Variants in ALDH1L2 observed in about 807,000 individuals in gnomAD.
ALDH1L2 encodes the protein mitochondrial 10-formyltetrahydrofolate dehydrogenase.
In ALDH1L2, 91 loss-of-function variants were observed where a neutral mutation model predicts 111.0. That is an observed-to-expected ratio of 0.82 (90% confidence interval 0.69 to 0.98). ALDH1L2 has a LOEUF of 0.98. Among genes scored for constraint, ALDH1L2 ranks in the 50% least tolerant of loss-of-function variants. The pLI, the probability that ALDH1L2 is intolerant of heterozygous loss-of-function variation, is 0.00. For synonymous variants in ALDH1L2, 374 were observed against 392.6 expected (o/e 0.95, Z 0.56); for missense variants, 995 against 1,126.8 (o/e 0.88, Z 1.67).
intron 6 of ALDH1L2, among the ~76,000 whole-genome samples, chr12:105,064,044 G>A (rs1477136649): frequency 4.4e-5 from 6 of 135,628 alleles, no homozygotes; most frequent in African/African-American, 1.1e-4. Context: ...TCTGCCTCCC[G>A]GGTTCAAATG....
Position 105,060,988 on chromosome 12 carries a change from C to T in ALDH1L2, c.1132G>A (p.Val378Ile). The change falls in exon 9 of 23, where the codon GTT (valine) becomes ATT (isoleucine). Residue 378 changes from valine (V) to isoleucine (I), a missense_variant. Transcript: ENST00000258494. ...ATAAGGGCGTGGTTTTACCTGGCAA[C>T]ATCCATTGAGCTTGCTCCAGATTTA... Reference protein sequence around the residue: ...FFKSGASSMDVARLVEEIRQK... With the variant: ...FFKSGASSMDIARLVEEIRQK... 1 of 1,613,940 alleles carries T rather than the reference C, an allele frequency of 6.2e-7. No individual in the cohort carries two copies. Among genetic ancestry groups the T allele is most frequent in the Non-Finnish European group, 8.5e-7 (1 of 1,179,836 alleles).
rs764111072 is a variant in ALDH1L2, at chr12:105,046,968, C to G, written c.1688G>C (p.Gly563Ala). The G allele has an allele frequency of 6.2e-7, 1 of 1,613,622 alleles. No individual in the cohort carries two copies. The highest frequency in any genetic ancestry group is 1.3e-5 in the African/African-American group (1 of 74,862). ...GGCCTGGTTGATTGGAATAGTAGAA[C>G]CCTAAAGAATGAGAAAAGTTGATAC... ...YFAGWCDKIQ[G>A]STIPINQARP... is the part of the protein sequence containing the mutation. The change falls in exon 14 of 23, where the codon GGT becomes GCT. Residue 563 changes from glycine (G) to alanine (A), a missense_variant and splice_region_variant. Gly to Ala is a moderately conservative substitution (Grantham distance 60, BLOSUM62 0). Coordinates refer to ENST00000258494, the MANE Select transcript of ALDH1L2 (RefSeq NM_001034173.4).
At chr12:105,038,258 TCTCACACACACACACACACAAA>T (rs1397061492) in intron 17 of ALDH1L2, 56 bp from the exon 18 acceptor site, 3 of 707,704 alleles carry the variant, frequency 4.2e-6, no homozygotes, top group Admixed American at 2.4e-5. Flanking sequence ...TCTCTCTCTC[TCTCACACACACACACACACAAA>T]CACACACACA....
At chr12:105,076,600 C>T (rs1878063919) in intron 1 of ALDH1L2, among the ~76,000 whole-genome samples, 1 of 152,142 alleles carries the variant, frequency 6.6e-6, no homozygotes, top group South Asian at 2.1e-4. Flanking sequence ...TATTTTCCAT[C>T]ATCAATTAAA....
intron 18 of ALDH1L2, among the ~76,000 whole-genome samples, chr12:105,037,804 G>A (rs1026026143): frequency 4.1e-5 from 6 of 147,756 alleles, no homozygotes; most frequent in South Asian, 2.1e-4. Flanking sequence ...TCACTCTGTC[G>A]CCCAGGCTGG....
intron 12 of ALDH1L2, among the ~76,000 whole-genome samples, chr12:105,051,679 A>G (rs545034423): frequency 6.6e-6 from 1 of 152,358 alleles, no homozygotes; most frequent in Admixed American, 6.5e-5. Flanking sequence ...AACAGAAGAC[A>G]TATTTCATAT....
chr12:105,074,140 C>A (rs1877893823), intron 1 of ALDH1L2, 135 bp from the exon 2 acceptor site: 5 of 1,132,450 alleles, frequency 4.4e-6, no homozygotes, highest in South Asian at 1.5e-5. Flanking sequence ...CAGACTTCAC[C>A]ACTACTCAAT....
chr12:105,028,012 T>G (rs1326499783), intron 21 of ALDH1L2, among the ~76,000 whole-genome samples: 1 of 152,228 alleles, frequency 6.6e-6, no homozygotes, highest in Non-Finnish European at 1.5e-5. Context: ...AGTTCTAATG[T>G]GCCTGTCATA....
intron 16 of ALDH1L2, 99 bp downstream of exon 16, chr12:105,040,508 C>T: frequency 9.5e-7 from 1 of 1,057,152 alleles, no homozygotes. Flanking sequence ...AGTTTTAATA[C>T]AGTTATAATT....
chr12:105,040,735 A>T, intron 15 of ALDH1L2, 41 bp from the exon 16 acceptor site: 2 of 1,575,116 alleles, frequency 1.3e-6, no homozygotes, highest in Non-Finnish European at 8.7e-7. Flanking sequence ...TCAGGCCCTA[A>T]CCTGACCTTT....
At chr12:105,081,440 C>A (rs1420319538) in intron 1 of ALDH1L2, among the ~76,000 whole-genome samples, 1 of 152,148 alleles carries the variant, frequency 6.6e-6, no homozygotes, top group African/African-American at 2.4e-5. Flanking sequence ...AAGGAAGGGT[C>A]CCACCTCTTT....
chr12:105,053,077 G>T, intron 10 of ALDH1L2, 146 bp from the exon 11 acceptor site: 1 of 1,022,110 alleles, frequency 9.8e-7, no homozygotes, highest in Non-Finnish European at 1.4e-6. Context: ...GCATATGTGA[G>T]ATTTGGGCCT....
At chr12:105,068,215 C>T (rs1290139413) in intron 4 of ALDH1L2, among the ~76,000 whole-genome samples, 1 of 151,772 alleles carries the variant, frequency 6.6e-6, no homozygotes, top group East Asian at 1.9e-4. Context: ...GGAGCTTTCA[C>T]TATTTGTGTA....
At chr12:105,060,868 T>C (rs1876953401) in intron 9 of ALDH1L2, 113 bp downstream of exon 9, 2 of 726,016 alleles carry the variant, frequency 2.8e-6, no homozygotes, top group Non-Finnish European at 4.5e-6. Context: ...TAGATAGGTA[T>C]GATAAGGTAA....
intron 11 of ALDH1L2, 148 bp downstream of exon 11, chr12:105,052,664 G>T: frequency 1.0e-6 from 1 of 968,632 alleles, no homozygotes; most frequent in Non-Finnish European, 1.5e-6. Flanking sequence ...TTGAGTCATT[G>T]AAAGAAAAGC....
chr12:105,046,700 G>A lies in ALDH1L2; in HGVS notation c.1863+10C>T. 1 of 1,612,070 alleles carries A rather than the reference G, an allele frequency of 6.2e-7. No homozygotes were observed. The highest frequency in any genetic ancestry group is 8.5e-7 in the Non-Finnish European group (1 of 1,178,302). ...GAGGCAATTCTGCACCTGGCCCTTTGTGGCCTTACCTGTGCTGGCTTGAGC... is the reference window on the plus strand; with the variant it reads ...GAGGCAATTCTGCACCTGGCCCTTTATGGCCTTACCTGTGCTGGCTTGAGC... On this transcript the variant is annotated intron_variant, in intron 15 of 22. Transcript: ENST00000258494.
intron 16 of ALDH1L2, 29 bp downstream of exon 16, chr12:105,040,578 A>G: frequency 4.4e-6 from 7 of 1,607,062 alleles, no homozygotes; most frequent in Non-Finnish European, 5.1e-6. Flanking sequence ...TTCATTAGTT[A>G]TAGCACAGTC....
intron 1 of ALDH1L2, among the ~76,000 whole-genome samples, chr12:105,081,858 C>A (rs144584943): frequency 5.3e-4 from 81 of 152,282 alleles, no homozygotes; most frequent in African/African-American, 1.7e-3. Context: ...TGCTTTAATA[C>A]TAAACTTAAA....
rs771368431 is a variant in ALDH1L2, at chr12:105,024,286, C to A, written c.*138G>T. Reference sequence around the variant, plus strand: ...CACATGTGTAAATGCTTTAACATGGCCTGGCCCTCTTCATGGTCCATCTGT... The same window carrying A: ...CACATGTGTAAATGCTTTAACATGGACTGGCCCTCTTCATGGTCCATCTGT... On this transcript the variant is annotated 3_prime_UTR_variant, in exon 23 of 23. Coordinates refer to ENST00000258494, the MANE Select transcript of ALDH1L2 (RefSeq NM_001034173.4). The A allele has an allele frequency of 1.6e-4, 135 of 859,780 alleles. No homozygotes were observed. Among genetic ancestry groups the A allele is most frequent in the Non-Finnish European group, 2.3e-4 (120 of 527,932 alleles). The allele number at this position is 859,780 out of a possible 1,614,324, so 53.3% of individuals were successfully genotyped here.
Sources: gnomAD v4.1 joint callset for allele counts (sites outside exome capture counted in the v4.1 genomes callset) on GRCh38, gnomAD v4.1.1 for gene constraint, MANE v1.5 for transcripts, NCBI Gene and HGNC (gene_info 2026-07-23, HGNC 2026-07-21) for gene names.